The following IARS1 variants were observed in gnomAD, a reference collection of about 807,000 sequenced individuals.
IARS1 encodes the protein isoleucine--tRNA ligase, cytoplasmic.
In IARS1, 124 loss-of-function variants were observed where a neutral mutation model predicts 168.2. That is an observed-to-expected ratio of 0.74 (90% CI 0.64 to 0.86). The LOEUF (loss-of-function observed/expected upper bound fraction) is 0.86, where lower values mean the gene tolerates loss of function less well. Among genes scored for constraint, IARS1 ranks in the 40% least tolerant of loss-of-function variants. The pLI, the probability that IARS1 is intolerant of heterozygous loss-of-function variation, is 0.00. For missense variants in IARS1, 1,452 were observed against 1,515.8 expected (o/e 0.96, Z 0.70); for synonymous variants, 532 against 529.4 (o/e 1.00, Z -0.07).
At chr9:92,259,850 T>C (rs1205523622) in intron 18 of IARS1, among the ~76,000 whole-genome samples, 1 of 152,056 alleles carries the variant, frequency 6.6e-6, no homozygotes, top group Admixed American at 6.6e-5. Context: ...ACAGGGAACC[T>C]AGAAAGGAAG....
At position 92,242,095 on chromosome 9, in the gene IARS1, A is replaced by T. The variant is rs145769490; in HGVS notation, c.3177+59T>A. On this transcript the variant is annotated intron_variant, in intron 29 of 33. Transcript: ENST00000443024. ...GGACAGAATATCAACACGTGAGTAC[A>T]CAAAGTCAAACCTAATCTGAAACCC... The T allele has an allele frequency of 4.3e-4, 574 of 1,348,030 alleles. 5 individuals carry two copies. In the African/African-American group the frequency reaches 6.9e-3, roughly 16 times the overall value. The allele number at this position is 1,348,030 out of a possible 1,614,324, so 83.5% of individuals were successfully genotyped here.
intron 17 of IARS1, among the ~76,000 whole-genome samples, chr9:92,262,564 C>T (rs925858833): frequency 8.5e-5 from 13 of 152,086 alleles, no homozygotes; most frequent in African/African-American, 3.1e-4. Context: ...CTCGGTCAAG[C>T]CCAGTGTGGC....
intron 30 of IARS1, among the ~76,000 whole-genome samples, chr9:92,236,801 T>C (rs185803220): frequency 2.0e-5 from 3 of 152,266 alleles, no homozygotes; most frequent in East Asian, 1.9e-4. Flanking sequence ...GTGAGCTGAG[T>C]TGGCATCACT....
chr9:92,267,419 GA>G (rs976049917), intron 14 of IARS1, among the ~76,000 whole-genome samples: 1 of 152,242 alleles, frequency 6.6e-6, no homozygotes, highest in African/African-American at 2.4e-5. Context: ...GCTTTGGACA[GA>G]AGGCCAAACA....
chr9:92,243,008 C>T, intron 28 of IARS1: 1 of 471,520 alleles, frequency 2.1e-6, no homozygotes, highest in East Asian at 4.1e-5. Context: ...AAGGCACAGG[C>T]TGGCTGAAAG....
chr9:92,265,201 C>G, intron 15 of IARS1, 78 bp from the exon 16 acceptor site: 1 of 1,235,944 alleles, frequency 8.1e-7, no homozygotes, highest in Non-Finnish European at 1.1e-6. Flanking sequence ...ATAGGAAACA[C>G]AAAACCCTGA....
At chr9:92,254,102 C>T (rs1008848031) in intron 20 of IARS1, among the ~76,000 whole-genome samples, 1 of 152,186 alleles carries the variant, frequency 6.6e-6, no homozygotes, top group Non-Finnish European at 1.5e-5. Flanking sequence ...CATAGTGCTG[C>T]AGTTAAGAAA....
intron 6 of IARS1, among the ~76,000 whole-genome samples, chr9:92,284,402 TG>T (rs1393372108): frequency 1.3e-5 from 2 of 152,354 alleles, no homozygotes; most frequent in East Asian, 3.9e-4. Context: ...TCATTGGTGC[TG>T]GGGGCCTTAA....
rs145442895 is a variant in IARS1, at chr9:92,234,540, T to C, written c.3284-5414A>G. 2.2e-3 allele frequency among the ~76,000 whole-genome samples: 341 copies of C among 152,316 alleles called. 4 individuals carry two copies. The highest frequency in any genetic ancestry group is 7.7e-3 in the African/African-American group (319 of 41,562). ...GGTAGATGGGAAAATAGGCCCTACCTGTCTTATCACTGCTCATGCTGCTGG... is the reference window on the plus strand; with the variant it reads ...GGTAGATGGGAAAATAGGCCCTACCCGTCTTATCACTGCTCATGCTGCTGG... On this transcript the variant is annotated intron_variant, in intron 30 of 33. Coordinates refer to ENST00000443024, the MANE Select transcript of IARS1 (RefSeq NM_002161.6).
Position 92,239,501 on chromosome 9 carries a change from T to C in IARS1, c.3283+1355A>G, listed in dbSNP as rs148583068. On this transcript the variant is annotated intron_variant, in intron 30 of 33. Transcript: ENST00000443024. The stretch of plus-strand genomic sequence containing the variant: ...TCTTTGGTTTTCAAAAGTTTGATTA[T>C]GATATATGTAGATGTGGATTCTTTT... Among the ~76,000 whole-genome samples the C allele has an allele frequency of 4.7e-4, 71 of 152,308 alleles. 2 individuals carry two copies. The highest frequency in any genetic ancestry group is 1.7e-3 in the African/African-American group (69 of 41,566).
At chr9:92,246,575 C>T (rs1421316935) in intron 26 of IARS1, among the ~76,000 whole-genome samples, 1 of 152,144 alleles carries the variant, frequency 6.6e-6, no homozygotes, top group Non-Finnish European at 1.5e-5. Flanking sequence ...CTTATCAAAA[C>T]CATAATTATT....
intron 33 of IARS1, among the ~76,000 whole-genome samples, chr9:92,216,976 T>C (rs1838813126): frequency 6.6e-6 from 1 of 151,254 alleles, no homozygotes; most frequent in South Asian, 2.1e-4. Flanking sequence ...ATACATTTTT[T>C]TCAGCACCAC....
intron 21 of IARS1, among the ~76,000 whole-genome samples, chr9:92,252,764 C>CAAAAAAAAAAAAAAAAAAAAA (rs34983021): frequency 3.7e-5 from 1 of 27,222 alleles, no homozygotes; most frequent in African/African-American, 1.5e-4. Context: ...AACTCCTTCT[C>CAAAAAAAAAAAAAAAAAAAAA]AAAAAAAAAA....
At chr9:92,258,808 C>T (rs1288898346) in intron 19 of IARS1, 46 bp downstream of exon 19, 3 of 1,541,132 alleles carry the variant, frequency 1.9e-6, no homozygotes, top group South Asian at 2.5e-5. Context: ...GAAGGGAGCG[C>T]TGTGGAGACA....
intron 17 of IARS1, 106 bp downstream of exon 17, chr9:92,262,863 C>G: frequency 1.3e-6 from 1 of 768,388 alleles, no homozygotes; most frequent in Non-Finnish European, 2.3e-6. Flanking sequence ...ACAGTGGAGA[C>G]AAAGCTCCAC....
chr9:92,215,450 G>C (rs1443596128), intron 33 of IARS1, among the ~76,000 whole-genome samples: 1 of 152,082 alleles, frequency 6.6e-6, no homozygotes, highest in Non-Finnish European at 1.5e-5. Context: ...GAGAGAAGAG[G>C]GCTTCAGACG....
At chr9:92,259,305 C>T (rs544716538) in intron 18 of IARS1, among the ~76,000 whole-genome samples, 1 of 152,298 alleles carries the variant, frequency 6.6e-6, no homozygotes, top group South Asian at 2.1e-4. Flanking sequence ...AAGAGAAAGG[C>T]TGGCCTGGTC....
chr9:92,264,300 A>G (rs1831961881), intron 16 of IARS1, among the ~76,000 whole-genome samples: 1 of 150,008 alleles, frequency 6.7e-6, no homozygotes, highest in African/African-American at 2.5e-5. Context: ...ACACCCCTGC[A>G]CTCCAGCCTG....
chr9:92,283,054 C>T (rs1015408150), intron 6 of IARS1, among the ~76,000 whole-genome samples: 16 of 151,916 alleles, frequency 1.1e-4, no homozygotes, highest in African/African-American at 3.6e-4. Flanking sequence ...GGGGTTTTGT[C>T]ATGTTGCCCA....
Sources: allele counts gnomAD v4.1 joint callset (sites outside exome capture counted in the v4.1 genomes callset), GRCh38; gene constraint gnomAD v4.1.1; transcripts MANE v1.5; gene names NCBI Gene and HGNC (gene_info 2026-07-23, HGNC 2026-07-21).